Variants in GPC6 observed in about 807,000 individuals in gnomAD.
GPC6 encodes glypican-6.
In GPC6, 14 loss-of-function variants were observed where a neutral mutation model predicts 55.2. That is an observed-to-expected ratio of 0.25 (90% CI 0.17 to 0.40). The LOEUF is 0.40. Among genes scored for constraint, GPC6 ranks in the 10% least tolerant of loss-of-function variants. The pLI is 1.00. For missense variants in GPC6, 641 were observed against 708.5 expected (o/e 0.90, Z 1.08); for synonymous variants, 278 against 259.6 (o/e 1.07, Z -0.68).
chr13:94,182,986 C>T (rs898172167), intron 4 of GPC6, among the ~76,000 whole-genome samples: 1 of 152,150 alleles, frequency 6.6e-6, no homozygotes, highest in African/African-American at 2.4e-5. Flanking sequence ...CTGTGTTGCC[C>T]AGGCTGGTCT....
chr13:93,895,222 A>ATGTGTGTGTGTGTGTGTGTGTG lies in GPC6; in HGVS notation c.711+64690_711+64691insGTGTGTGTGTGTGTGTGTGTGT, dbSNP rs369480808. On this transcript the variant is annotated intron_variant, in intron 3 of 8. Coordinates refer to ENST00000377047, the MANE Select transcript of GPC6 (RefSeq NM_005708.5). Reference sequence around the variant, plus strand: ...TATATATGTGTGTGTGTGTGTATGTATGTGTGTGTGTGTATATATATATAT... The same window carrying ATGTGTGTGTGTGTGTGTGTGTG: ...TATATATGTGTGTGTGTGTGTATGTATGTGTGTGTGTGTGTGTGTGTGTGTGTGTGTGTGTATATATATATAT... Among the ~76,000 whole-genome samples, 486 of 53,556 alleles carry ATGTGTGTGTGTGTGTGTGTGTG rather than the reference A, an allele frequency of 9.1e-3. 33 individuals are homozygous for ATGTGTGTGTGTGTGTGTGTGTG. The highest frequency in any genetic ancestry group is 0.035 in the African/African-American group (442 of 12,670). The allele number at this position is 53,556 out of a possible 152,430, so 35.1% of individuals were successfully genotyped here.
chr13:94,153,645 A>G (rs1887823393), intron 4 of GPC6, among the ~76,000 whole-genome samples: 1 of 152,176 alleles, frequency 6.6e-6, no homozygotes, highest in African/African-American at 2.4e-5. Context: ...TTTCTTAGAA[A>G]TTGAGAGTCA....
At chr13:93,543,675 A>G (rs1200234011) in intron 1 of GPC6, among the ~76,000 whole-genome samples, 1 of 152,154 alleles carries the variant, frequency 6.6e-6, no homozygotes, top group African/African-American at 2.4e-5. Context: ...AAGGCTGAGT[A>G]CTATTCCATT....
rs190236898 is a variant in GPC6, at chr13:93,527,398, G to A, written c.161-17865G>A. Among the ~76,000 whole-genome samples, 4 of 152,120 alleles carry A rather than the reference G, an allele frequency of 2.6e-5. No homozygotes were observed. The East Asian group carries it at 7.7e-4, about 29-fold the overall frequency. Reference sequence around the variant, plus strand: ...TTTAGCGTTTCACTACTTTTTTAGAGATATGGGGTATGTGCTTTAATTTCA... The same window carrying A: ...TTTAGCGTTTCACTACTTTTTTAGAAATATGGGGTATGTGCTTTAATTTCA... On this transcript the variant is annotated intron_variant, in intron 1 of 8. Coordinates refer to ENST00000377047, the MANE Select transcript of GPC6 (RefSeq NM_005708.5).
chr13:94,264,061 G>A (rs1468377166), intron 4 of GPC6, among the ~76,000 whole-genome samples: 1 of 152,168 alleles, frequency 6.6e-6, no homozygotes, highest in Admixed American at 6.5e-5. Context: ...GGTCTGGTGG[G>A]CAGAAGACTG....
intron 2 of GPC6, among the ~76,000 whole-genome samples, chr13:93,709,131 T>C (rs1882957274): frequency 6.6e-6 from 1 of 151,850 alleles, no homozygotes; most frequent in South Asian, 2.1e-4. Flanking sequence ...ATGTTACTTA[T>C]TATATTACTA....
intron 2 of GPC6, among the ~76,000 whole-genome samples, chr13:93,658,239 G>T (rs529788814): frequency 6.6e-6 from 1 of 151,860 alleles, no homozygotes; most frequent in Non-Finnish European, 1.5e-5. Context: ...GAAAAGCACT[G>T]ATCTATTTCT....
At chr13:93,830,015 A>C (rs1566556824) in intron 2 of GPC6, 139 bp from the exon 3 acceptor site, 1 of 594,466 alleles carries the variant, frequency 1.7e-6, no homozygotes, top group Non-Finnish European at 2.9e-6. Flanking sequence ...TATGTTTTTT[A>C]TCTGTCCATT....
chr13:93,534,407 CTGTT>C (rs201154424), intron 1 of GPC6, among the ~76,000 whole-genome samples: 1,668 of 152,222 alleles, frequency 0.011, 24 homozygotes, highest in African/African-American at 0.038. Flanking sequence ...TGTTGTTTGT[CTGTT>C]TGTTTGGGAT....
chr13:94,346,654 G>C (rs1404533042), intron 6 of GPC6, among the ~76,000 whole-genome samples: 1 of 151,168 alleles, frequency 6.6e-6, no homozygotes, highest in African/African-American at 2.4e-5. Context: ...CTGGGAGGCG[G>C]AGGTTGCAGT....
intron 1 of GPC6, among the ~76,000 whole-genome samples, chr13:93,372,947 A>G (rs548597148): frequency 6.6e-6 from 1 of 152,286 alleles, no homozygotes; most frequent in South Asian, 2.1e-4. Flanking sequence ...TATAAACAAA[A>G]TATCTTCCTA....
chr13:93,775,520 T>G (rs1027896822), intron 2 of GPC6, among the ~76,000 whole-genome samples: 7 of 152,286 alleles, frequency 4.6e-5, no homozygotes, highest in Admixed American at 2.6e-4. Context: ...CTGGTGAGCT[T>G]CTGAAAACTA....
intron 6 of GPC6, among the ~76,000 whole-genome samples, chr13:94,336,091 T>C (rs916610447): frequency 5.3e-5 from 8 of 152,148 alleles, no homozygotes; most frequent in Non-Finnish European, 1.2e-4. Context: ...TGCTGGTAGA[T>C]GCTCGGAAAA....
In GPC6 at chr13:93,888,696, A is replaced by G. The variant is rs144025369; in HGVS notation, c.711+58151A>G. 8.7e-4 allele frequency among the ~76,000 whole-genome samples: 133 copies of G among 152,288 alleles called. 1 individual carries two copies. Among genetic ancestry groups the G allele is most frequent in the African/African-American group, 3.1e-3 (127 of 41,570 alleles). On this transcript the variant is annotated intron_variant, in intron 3 of 8. Coordinates refer to ENST00000377047, the MANE Select transcript of GPC6 (RefSeq NM_005708.5). ...TGAAGTTGACAGGAACATGAAAACT[A>G]CACAACATTTAATTTTTCCTTGAAG...
At chr13:94,086,880 C>T (rs929924879) in intron 4 of GPC6, among the ~76,000 whole-genome samples, 12 of 152,052 alleles carry the variant, frequency 7.9e-5, no homozygotes, top group South Asian at 2.1e-4. Context: ...CTAAATAAAA[C>T]GACATGTGTC....
intron 7 of GPC6, among the ~76,000 whole-genome samples, chr13:94,382,841 C>A (rs1880227665): frequency 1.3e-5 from 2 of 152,154 alleles, no homozygotes; most frequent in African/African-American, 4.8e-5. Context: ...TCACAAAGAG[C>A]CCTTTCATGT....
chr13:93,702,772 T>C (rs1882716687), intron 2 of GPC6, among the ~76,000 whole-genome samples: 1 of 152,006 alleles, frequency 6.6e-6, no homozygotes. Flanking sequence ...GAACCTCTGC[T>C]AGCCTTCAGA....
intron 1 of GPC6, among the ~76,000 whole-genome samples, chr13:93,525,628 G>A (rs1433791991): frequency 1.3e-5 from 2 of 151,962 alleles, no homozygotes; most frequent in African/African-American, 4.8e-5. Flanking sequence ...ATTTGTTCAG[G>A]AGCCATTCTT....
At chr13:94,097,774 T>A (rs1885720186) in intron 4 of GPC6, among the ~76,000 whole-genome samples, 1 of 152,186 alleles carries the variant, frequency 6.6e-6, no homozygotes. Context: ...TTATCAGTTA[T>A]CCTTTCCCCC....
Sources: allele counts gnomAD v4.1 joint callset (sites outside exome capture counted in the v4.1 genomes callset), GRCh38; gene constraint gnomAD v4.1.1; transcripts MANE v1.5; gene names NCBI Gene and HGNC (gene_info 2026-07-23, HGNC 2026-07-21).